PLEKHA8: variants seen among roughly 807,000 people sequenced by gnomAD.
PLEKHA8 encodes the protein pleckstrin homology domain-containing family A member 8.
A neutral mutation model predicts 68.2 loss-of-function variants in PLEKHA8; 36 were observed. The ratio of observed to expected loss-of-function variants is 0.53; its 90% CI spans 0.40 to 0.70. PLEKHA8 has a LOEUF of 0.70. PLEKHA8 is among the 30% of genes least tolerant of loss of function. PLEKHA8 has a pLI of 0.00. For missense variants in PLEKHA8, 505 were observed against 615.4 expected (o/e 0.82, Z 1.90); for synonymous variants, 211 against 216.1 (o/e 0.98, Z 0.20).
chr7:30,052,571 A>G (rs1792501579), intron 6 of PLEKHA8, 138 bp from the exon 7 acceptor site: 4 of 667,418 alleles, frequency 6.0e-6, no homozygotes, highest in Non-Finnish European at 2.3e-6. Context: ...GATTGAGCCC[A>G]GAAGATTGCA....
At position 30,081,522 on chromosome 7, in the gene PLEKHA8, G is replaced by A. The variant is rs771775246; in HGVS notation, c.*2735G>A. On this transcript the variant is annotated 3_prime_UTR_variant, in exon 14 of 14. Coordinates refer to ENST00000449726, the MANE Select transcript of PLEKHA8 (RefSeq NM_001197026.2). ...ATGTGTAATCACTTTCCAAGAAGAG[G>A]GCAATGAGAAAAGATATTTAAAGCT... 4.2e-5 allele frequency: 41 copies of A among 985,012 alleles called. No homozygotes were observed. Among genetic ancestry groups the A allele is most frequent in the Non-Finnish European group, 4.9e-5 (41 of 829,780 alleles). The allele number at this position is 985,012 out of a possible 1,614,324, so 61.0% of individuals were successfully genotyped here.
chr7:30,087,635 AGCTAT>A (rs981261095), downstream of PLEKHA8, among the ~76,000 whole-genome samples: 13 of 152,222 alleles, frequency 8.5e-5, no homozygotes, highest in African/African-American at 3.1e-4. Flanking sequence ...TGCTGTGCAC[AGCTAT>A]GCTTGATCTC....
intron 13 of PLEKHA8, among the ~76,000 whole-genome samples, chr7:30,099,311 T>C (rs1327427608): frequency 6.6e-6 from 1 of 152,152 alleles, no homozygotes; most frequent in African/African-American, 2.4e-5. Flanking sequence ...GACCCAGAAA[T>C]ACATCAGAAA....
rs1562557590 is a variant in PLEKHA8 at position 30,115,704 on chromosome 7, GTAT to G, written c.1363-13561_1363-13559del. 20 of 146,426 alleles carry G rather than the reference GTAT, an allele frequency of 1.4e-4. 2 individuals carry two copies. Among genetic ancestry groups the G allele is most frequent in the African/African-American group, 5.2e-4 (20 of 38,734 alleles). 9.1% of individuals were successfully genotyped at this position (146,426 alleles called of 1,614,324 possible). A position where few individuals can be genotyped will look rare whatever the true frequency, so the allele number is the denominator to read the frequency against. ...CACATACATGCATACACGTATACAT[GTAT>G]ACATACGCGCATGCATGCATACACG... On this transcript the variant is annotated intron_variant, in intron 13 of 13. Coordinates refer to the PLEKHA8 transcript ENST00000396257.
intron 4 of PLEKHA8, 57 bp from the exon 5 acceptor site, chr7:30,049,167 T>G (rs1465450983): frequency 1.3e-5 from 21 of 1,601,934 alleles, no homozygotes; most frequent in Non-Finnish European, 1.8e-5. Flanking sequence ...CATTCCACAA[T>G]TGGGCTTTTT....
In PLEKHA8 at chr7:30,083,902, C is replaced by T. The variant is rs1040753508; in HGVS notation, c.*5115C>T. ...TTACCCACACAGACTCCTGTGTATG[C>T]GTGTCTGTTTATAGGTGTATATGGA... On this transcript the variant is annotated 3_prime_UTR_variant, in exon 14 of 14. Coordinates refer to ENST00000449726, the MANE Select transcript of PLEKHA8 (RefSeq NM_001197026.2). 22 of 985,362 alleles carry T rather than the reference C, an allele frequency of 2.2e-5. No individual in the cohort carries two copies. The highest frequency in any genetic ancestry group is 1.4e-4 in the South Asian group (3 of 21,282). The allele number at this position is 985,362 out of a possible 1,614,324, so 61.0% of individuals were successfully genotyped here.
At chr7:30,094,853 A>C (rs1583463194), downstream of PLEKHA8, among the ~76,000 whole-genome samples, 1 of 152,032 alleles carries the variant, frequency 6.6e-6, no homozygotes, top group African/African-American at 2.4e-5. Context: ...AAGTACATGA[A>C]TTCATCATTT....
downstream of PLEKHA8, among the ~76,000 whole-genome samples, chr7:30,086,752 C>T (rs1362699570): frequency 6.6e-6 from 1 of 152,066 alleles, no homozygotes; most frequent in Non-Finnish European, 1.5e-5. Context: ...AATAGAATGA[C>T]CCTAGAGTTG....
rs1792522691 is a variant in PLEKHA8 at position 30,052,703 on chromosome 7, T to G, written c.639-6T>G. The stretch of plus-strand genomic sequence containing the variant: ...CTGGCTTTTTTTCCTTTTAAAAAAT[T>G]TGCAGGCAAATGGAGTTGAGCACTT... On this transcript the variant is annotated splice_polypyrimidine_tract_variant and splice_region_variant and intron_variant, in intron 6 of 13. Transcript: ENST00000449726. 2.0e-6 allele frequency: 3 copies of G among 1,532,320 alleles called. No homozygotes were observed. The highest frequency in any genetic ancestry group is 2.6e-6 in the Non-Finnish European group (3 of 1,147,412). 94.9% of individuals were successfully genotyped at this position (1,532,320 alleles called of 1,614,324 possible).
intron 1 of PLEKHA8, among the ~76,000 whole-genome samples, chr7:30,041,481 G>A (rs1290968080): frequency 6.8e-6 from 1 of 146,302 alleles, no homozygotes; most frequent in East Asian, 2.0e-4. Context: ...GTGCAGTGGC[G>A]TGATCATAGC....
At chr7:30,101,013 A>T (rs150425491) in intron 13 of PLEKHA8, among the ~76,000 whole-genome samples, 2 of 152,216 alleles carry the variant, frequency 1.3e-5, no homozygotes, top group African/African-American at 4.8e-5. Flanking sequence ...AACATGGTGA[A>T]ACCCCGTCTC....
chr7:30,040,234 TCTTAC>T (rs1293608768), intron 1 of PLEKHA8, among the ~76,000 whole-genome samples: 2 of 152,176 alleles, frequency 1.3e-5, no homozygotes, highest in African/African-American at 2.4e-5. Flanking sequence ...CTAGGGGGTG[TCTTAC>T]CTTCAGGAAT....
intron 4 of PLEKHA8, among the ~76,000 whole-genome samples, chr7:30,048,947 C>T (rs1429696679): frequency 1.3e-5 from 2 of 152,176 alleles, no homozygotes; most frequent in Admixed American, 1.3e-4. Context: ...TTTTGGTTGT[C>T]ATGACTGAGG....
Position 30,058,388 on chromosome 7 carries a change from T to G in PLEKHA8, c.1040-2496T>G, listed in dbSNP as rs373613598. Among the ~76,000 whole-genome samples, 25 of 152,120 alleles carry G rather than the reference T, an allele frequency of 1.6e-4. No individual in the cohort carries two copies. The East Asian group carries it at 4.4e-3, about 27-fold the overall frequency. On this transcript the variant is annotated intron_variant, in intron 9 of 13. Transcript: ENST00000449726. ...GTCATGAAGATATTCTGTTTTCTTC[T>G]AGACTCTTCTAACTTTTACATTTGT...
At position 30,081,580 on chromosome 7, in the gene PLEKHA8, A is replaced by G; in HGVS notation, c.*2793A>G. On this transcript the variant is annotated 3_prime_UTR_variant, in exon 14 of 14. Transcript: ENST00000449726. ...CATAGCCCTCCAAGACTTCTGGGAC[A>G]ACTAAATTTACTTTCACCATTACTG... 5.1e-6 allele frequency: 5 copies of G among 985,246 alleles called. No individual in the cohort carries two copies. Among genetic ancestry groups the G allele is most frequent in the Non-Finnish European group, 3.6e-6 (3 of 829,762 alleles). 61.0% of individuals were successfully genotyped at this position (985,246 alleles called of 1,614,324 possible).
Position 30,028,925 on chromosome 7 carries a change from G to T in PLEKHA8, c.40+123G>T, listed in dbSNP as rs1357174704. The T allele has an allele frequency of 4.2e-5, 46 of 1,086,458 alleles. No individual in the cohort carries two copies. The South Asian group carries it at 9.9e-4, about 23-fold the overall frequency. The allele number at this position is 1,086,458 out of a possible 1,614,324, so 67.3% of individuals were successfully genotyped here. A position where few individuals can be genotyped will look rare whatever the true frequency, so the allele number is the denominator to read the frequency against. On this transcript the variant is annotated intron_variant, in intron 1 of 13. Transcript: ENST00000449726. Reference sequence around the variant, plus strand: ...GGCCCTTTCCTGAGGCCAGCGCGGAGCGGGAGTATTTCCCAAAGCAGTTCT... The same window carrying T: ...GGCCCTTTCCTGAGGCCAGCGCGGATCGGGAGTATTTCCCAAAGCAGTTCT...
chr7:30,060,270 G>A (rs1793331981), intron 9 of PLEKHA8, among the ~76,000 whole-genome samples: 1 of 152,028 alleles, frequency 6.6e-6, no homozygotes, highest in Admixed American at 6.6e-5. Flanking sequence ...GGTGAAGCCC[G>A]TCTCTACTGA....
At chr7:30,077,999 C>T (rs1480274796) in intron 13 of PLEKHA8, among the ~76,000 whole-genome samples, 2 of 152,100 alleles carry the variant, frequency 1.3e-5, no homozygotes, top group East Asian at 3.8e-4. Context: ...GAGATATAAA[C>T]TGTACAGGGT....
rs1796804707 is a variant in PLEKHA8 at position 30,128,010 on chromosome 7, A to G, written c.1363-1256A>G. On this transcript the variant is annotated intron_variant, in intron 13 of 13. Coordinates refer to the PLEKHA8 transcript ENST00000396257. ...CTTTAAAGTTATTTGCCTATTGTATATTTTCCCATTTCTTTGCTTTCATAC... is the reference window on the plus strand; with the variant it reads ...CTTTAAAGTTATTTGCCTATTGTATGTTTTCCCATTTCTTTGCTTTCATAC... Among the ~76,000 whole-genome samples the G allele has an allele frequency of 2.1e-5, 3 of 145,742 alleles. No individual in the cohort carries two copies. In the South Asian group the frequency reaches 6.4e-4, roughly 31 times the overall value.
Sources: allele counts gnomAD v4.1 joint callset (sites outside exome capture counted in the v4.1 genomes callset), GRCh38; gene constraint gnomAD v4.1.1; transcripts MANE v1.5; gene names NCBI Gene and HGNC (gene_info 2026-07-23, HGNC 2026-07-21).